TMEM135: variants seen among roughly 807,000 people sequenced by gnomAD.
TMEM135 encodes transmembrane protein 135, also known as peroxisomal membrane protein 52.
In TMEM135, 30 loss-of-function variants were observed where a neutral mutation model predicts 60.3. The observed-to-expected ratio is 0.50, with a 90% CI of 0.37 to 0.68. The LOEUF is 0.68. Ranked by LOEUF, TMEM135 falls within the 30% of genes least tolerant of loss-of-function variation. The probability of loss-of-function intolerance (pLI) is 0.00; values close to 1 mark genes in which losing one functional copy is unlikely to be tolerated. For synonymous variants in TMEM135, 190 were observed against 186.7 expected, an observed-to-expected ratio of 1.02 and a Z score of -0.14; for missense variants, 468 against 548.8, an observed-to-expected ratio of 0.85 and a Z score of 1.47.
At chr11:87,305,829 T>C (rs917337554) in intron 8 of TMEM135, 107 bp from the exon 9 acceptor site, 61 of 491,524 alleles carry the variant, frequency 1.2e-4, no homozygotes, top group African/African-American at 5.2e-4. Flanking sequence ...TTCTCTCTCT[T>C]TTTTTTTTTG....
At chr11:87,071,707 G>A (rs1856776113) in intron 3 of TMEM135, 92 bp downstream of exon 3, 5 of 801,438 alleles carry the variant, frequency 6.2e-6, no homozygotes, top group Non-Finnish European at 7.9e-6. Flanking sequence ...TTACAGGGAT[G>A]AGAAATATTT....
chr11:87,081,923 C>A (rs886772438), intron 3 of TMEM135, among the ~76,000 whole-genome samples: 5 of 152,002 alleles, frequency 3.3e-5, no homozygotes, highest in African/African-American at 1.2e-4. Context: ...TGATCCTTCC[C>A]TTGATCTCAT....
chr11:87,061,487 T>C (rs1048195266), intron 1 of TMEM135, among the ~76,000 whole-genome samples: 2 of 152,216 alleles, frequency 1.3e-5, no homozygotes, highest in African/African-American at 4.8e-5. Flanking sequence ...AAAGATTAAA[T>C]AGATACAACA....
chr11:87,267,270 T>A (rs301602), intron 6 of TMEM135, among the ~76,000 whole-genome samples: 77,208 of 152,000 alleles, frequency 0.51, 19,836 homozygotes, highest in African/African-American at 0.54. Context: ...TGAAAAAAAT[T>A]ATCATCTATT....
At chr11:87,193,980 CT>C (rs1241797865) in intron 5 of TMEM135, among the ~76,000 whole-genome samples, 1 of 151,912 alleles carries the variant, frequency 6.6e-6, no homozygotes, top group Non-Finnish European at 1.5e-5. Context: ...GCTTTTTTCA[CT>C]TACTAGCAGA....
rs539005422 is a variant in TMEM135 at position 87,304,394 on chromosome 11, G to A, written c.699-1542G>A. 5.2e-4 allele frequency among the ~76,000 whole-genome samples: 78 copies of A among 150,534 alleles called. 1 individual carries two copies. The highest frequency in any genetic ancestry group is 8.0e-4 in the Admixed American group (12 of 15,074). On this transcript the variant is annotated intron_variant, in intron 8 of 14. Transcript: ENST00000305494. The stretch of plus-strand genomic sequence containing the variant: ...CACCCCCATCACTTAGAAAAAAAAA[G>A]GAAACTTAACAAATTTCAGTGTAGT...
intron 5 of TMEM135, among the ~76,000 whole-genome samples, chr11:87,163,035 T>A (rs1167740067): frequency 6.6e-6 from 1 of 151,874 alleles, no homozygotes; most frequent in Non-Finnish European, 1.5e-5. Context: ...TTTTTAATTT[T>A]TTTATTTTTA....
Position 87,302,427 on chromosome 11 carries a change from A to G in TMEM135, c.683A>G (p.Lys228Arg). Residue 228 changes from lysine to arginine, a missense_variant, in exon 8 of 15, where the codon AAA (lysine) becomes AGA (arginine). By Grantham distance (26) the Lys-to-Arg change is conservative (BLOSUM62 2). Transcript: ENST00000305494. ...GRMNMIGLVR[K>R]FVDSICKHGP... ...ATGAATATGATTGGTCTAGTCAGGA[A>G]ATTTGTGGATTCAATGTGAGCTCTT... 1 of 1,613,878 alleles carries G rather than the reference A, an allele frequency of 6.2e-7. No individual in the cohort carries two copies. Among genetic ancestry groups the G allele is most frequent in the Non-Finnish European group, 8.5e-7 (1 of 1,179,884 alleles).
chr11:87,220,330 G>T lies in TMEM135; in HGVS notation c.463-16308G>T, dbSNP rs1352970081. Among the ~76,000 whole-genome samples, 4 of 152,182 alleles carry T rather than the reference G, an allele frequency of 2.6e-5. No homozygotes were observed. In the East Asian group the frequency reaches 7.7e-4, roughly 29 times the overall value. ...TATAAACATACCTCATTTTTGCCAA[G>T]TCCTATATTTAACACACTAAAAAGA... On this transcript the variant is annotated intron_variant, in intron 5 of 14. Transcript: ENST00000305494.
At chr11:87,281,463 C>A (rs1268729059) in intron 6 of TMEM135, among the ~76,000 whole-genome samples, 2 of 151,796 alleles carry the variant, frequency 1.3e-5, no homozygotes, top group Non-Finnish European at 2.9e-5. Context: ...GAAACCAGTA[C>A]CAGAAAGATT....
At chr11:87,246,750 C>A (rs1382176209) in intron 6 of TMEM135, among the ~76,000 whole-genome samples, 1 of 126,880 alleles carries the variant, frequency 7.9e-6, no homozygotes, top group African/African-American at 3.0e-5. Context: ...GTTATACATT[C>A]GTCTAAATTT....
intron 4 of TMEM135, among the ~76,000 whole-genome samples, chr11:87,128,056 G>A (rs1056944856): frequency 6.6e-6 from 1 of 151,754 alleles, no homozygotes; most frequent in African/African-American, 2.4e-5. Context: ...GCTTTTTTTG[G>A]TCCAACTCTA....
At chr11:87,302,582 A>G in intron 8 of TMEM135, 140 bp downstream of exon 8, 2 of 1,067,200 alleles carry the variant, frequency 1.9e-6, no homozygotes, top group Non-Finnish European at 2.8e-6. Context: ...ATTTTATAAA[A>G]GGCACACAAT....
chr11:87,282,766 A>G (rs1942084285), intron 6 of TMEM135, among the ~76,000 whole-genome samples: 1 of 152,172 alleles, frequency 6.6e-6, no homozygotes, highest in African/African-American at 2.4e-5. Flanking sequence ...GGTGATTGGG[A>G]TGTATTTACA....
intron 6 of TMEM135, among the ~76,000 whole-genome samples, chr11:87,276,164 A>G (rs1024946629): frequency 1.3e-5 from 2 of 152,212 alleles, no homozygotes; most frequent in Non-Finnish European, 2.9e-5. Flanking sequence ...CATAAATCCT[A>G]TGTTGAGTGA....
In TMEM135 at chr11:87,322,177, A is replaced by C; in HGVS notation, c.*844A>C. On this transcript the variant is annotated 3_prime_UTR_variant, in exon 15 of 15. Transcript: ENST00000305494. The stretch of plus-strand genomic sequence containing the variant: ...ATGATGTTTGTTTTCATTTATATGG[A>C]CATAATCCTTCATAGCTCAGTTTAT... 2.2e-6 allele frequency: 1 copy of C among 454,484 alleles called. No individual in the cohort carries two copies. The highest frequency in any genetic ancestry group is 1.6e-5 in the South Asian group (1 of 64,468). 28.2% of individuals were successfully genotyped at this position (454,484 alleles called of 1,614,324 possible). A position where few individuals can be genotyped will look rare whatever the true frequency, so the allele number is the denominator to read the frequency against.
chr11:87,226,623 C>A (rs1353391374), intron 5 of TMEM135, among the ~76,000 whole-genome samples: 1 of 152,138 alleles, frequency 6.6e-6, no homozygotes, highest in African/African-American at 2.4e-5. Context: ...AATGTACTTA[C>A]TATAAAAGGA....
At chr11:87,186,715 A>G (rs927260120) in intron 5 of TMEM135, among the ~76,000 whole-genome samples, 2 of 152,182 alleles carry the variant, frequency 1.3e-5, no homozygotes, top group Non-Finnish European at 2.9e-5. Flanking sequence ...TCTCCACTTA[A>G]TAGTAGGAAA....
intron 4 of TMEM135, among the ~76,000 whole-genome samples, chr11:87,117,400 G>A (rs974776530): frequency 1.1e-4 from 17 of 152,196 alleles, no homozygotes; most frequent in African/African-American, 4.1e-4. Context: ...TTCATCCACA[G>A]TACAATTTCT....
Sources: allele counts gnomAD v4.1 joint callset (sites outside exome capture counted in the v4.1 genomes callset), GRCh38; gene constraint gnomAD v4.1.1; transcripts MANE v1.5; gene names NCBI Gene and HGNC (gene_info 2026-07-23, HGNC 2026-07-21).